SHISA9: variants seen among roughly 807,000 people sequenced by gnomAD.
The protein encoded by SHISA9 is shisa family member 9, also known as protein shisa-9.
SHISA9 carries 13 observed loss-of-function variants against 38.0 expected under a neutral mutation model. The ratio of observed to expected loss-of-function variants is 0.34; its 90% CI spans 0.22 to 0.54. SHISA9 has a LOEUF of 0.54. Among genes scored for constraint, SHISA9 ranks in the 20% least tolerant of loss-of-function variants. The pLI, the probability that SHISA9 is intolerant of heterozygous loss-of-function variation, is 0.91. For synonymous variants in SHISA9, 275 were observed against 242.0 expected (o/e 1.14, Z -1.27); for missense variants, 538 against 575.8 (o/e 0.93, Z 0.67).
At chr16:13,402,258 A>G in the SHISA9 span, among the ~76,000 whole-genome samples, 1 of 152,100 alleles carries the variant, frequency 6.6e-6, no homozygotes, top group Non-Finnish European at 1.5e-5. Flanking sequence ...ATTCAGTCTG[A>G]GTTCGAATGC....
At chr16:13,305,911 T>C in the SHISA9 span, among the ~76,000 whole-genome samples, 19 of 152,316 alleles carry the variant, frequency 1.2e-4, no homozygotes, top group African/African-American at 4.1e-4. Flanking sequence ...TACATATCCT[T>C]TGCTAGACCC....
chr16:13,295,019 T>G, the SHISA9 span, among the ~76,000 whole-genome samples: 1 of 152,136 alleles, frequency 6.6e-6, no homozygotes, highest in South Asian at 2.1e-4. Context: ...TATTGCCATT[T>G]TACAGATTAA....
At chr16:13,246,313 C>G in the SHISA9 span, 2 of 152,176 alleles carry the variant, frequency 1.3e-5, no homozygotes, top group African/African-American at 4.8e-5. Context: ...GGCTCCAATT[C>G]TTCTCCATGC....
At chr16:13,362,955 A>G in the SHISA9 span, among the ~76,000 whole-genome samples, 1 of 152,194 alleles carries the variant, frequency 6.6e-6, no homozygotes, top group Non-Finnish European at 1.5e-5. Flanking sequence ...GCCAACTAAT[A>G]ATATAATTAA....
the SHISA9 span, among the ~76,000 whole-genome samples, chr16:13,491,817 CCTTTTTTTTTTTTTTTTTTT>C: frequency 8.5e-5 from 4 of 46,926 alleles, no homozygotes; most frequent in African/African-American, 3.8e-4. Context: ...TATTTATTGA[CCTTTTTTTTTTTTTTTTTTT>C]TTTTTTTTTT....
chr16:13,358,814 C>T, the SHISA9 span, among the ~76,000 whole-genome samples: 1 of 152,120 alleles, frequency 6.6e-6, no homozygotes, highest in Non-Finnish European at 1.5e-5. Flanking sequence ...TCAGCAGAGC[C>T]ATAAAAAGAT....
the SHISA9 span, among the ~76,000 whole-genome samples, chr16:13,453,597 C>T: frequency 5.9e-5 from 9 of 152,210 alleles, no homozygotes; most frequent in East Asian, 1.7e-3. Context: ...CAGCCAGCCC[C>T]CAGACAACCC....
intron 2 of SHISA9, among the ~76,000 whole-genome samples, chr16:13,091,084 C>A (rs567484021): frequency 2.7e-4 from 41 of 152,286 alleles, no homozygotes; most frequent in South Asian, 8.3e-4. Context: ...ATATAAAATT[C>A]TGGGTTGAAA....
the SHISA9 span, among the ~76,000 whole-genome samples, chr16:13,296,891 C>CAAAAAAAAAAAAAAA: frequency 3.8e-5 from 1 of 26,588 alleles, no homozygotes; most frequent in African/African-American, 1.5e-4. Context: ...AACTCCATCT[C>CAAAAAAAAAAAAAAA]AAAAAAAAAA....
intron 2 of SHISA9, among the ~76,000 whole-genome samples, chr16:12,961,591 G>C (rs543593318): frequency 7.9e-5 from 12 of 152,258 alleles, no homozygotes; most frequent in Admixed American, 3.9e-4. Flanking sequence ...CCAAAACTGA[G>C]GAAGAGAACA....
intron 2 of SHISA9, among the ~76,000 whole-genome samples, chr16:12,990,524 T>C (rs150092889): frequency 5.9e-5 from 9 of 152,360 alleles, no homozygotes; most frequent in African/African-American, 2.2e-4. Context: ...TCATGAATTA[T>C]TTAACCATTT....
chr16:13,360,521 G>A, the SHISA9 span, among the ~76,000 whole-genome samples: 12 of 152,218 alleles, frequency 7.9e-5, no homozygotes, highest in Middle Eastern at 3.4e-3. Context: ...CTTGGCTCTC[G>A]TTCTTCTTCC....
intron 2 of SHISA9, among the ~76,000 whole-genome samples, chr16:13,106,736 GA>G (rs919665564): frequency 1.1e-3 from 167 of 149,540 alleles, no homozygotes; most frequent in African/African-American, 3.9e-3. Context: ...ACTTTGGCTA[GA>G]AAAAAAAAAT....
intron 2 of SHISA9, among the ~76,000 whole-genome samples, chr16:13,011,598 T>G (rs564038739): frequency 1.3e-5 from 2 of 152,158 alleles, no homozygotes; most frequent in Non-Finnish European, 2.9e-5. Flanking sequence ...CTCGGCTCAC[T>G]GCAAGCTCTG....
chr16:12,958,235 TG>T (rs1329736932), intron 2 of SHISA9, among the ~76,000 whole-genome samples: 2 of 152,248 alleles, frequency 1.3e-5, no homozygotes, highest in Admixed American at 6.5e-5. Flanking sequence ...GGTATTCCAT[TG>T]CATGGATGTA....
At chr16:13,328,757 GC>G in the SHISA9 span, among the ~76,000 whole-genome samples, 1 of 152,122 alleles carries the variant, frequency 6.6e-6, no homozygotes, top group Non-Finnish European at 1.5e-5. Context: ...ACAGGTGTGA[GC>G]CACCATACCC....
chr16:12,999,008 T>C (rs753648543), intron 2 of SHISA9, among the ~76,000 whole-genome samples: 1 of 152,220 alleles, frequency 6.6e-6, no homozygotes, highest in African/African-American at 2.4e-5. Flanking sequence ...ACATAGCCTG[T>C]ATTTTGATGT....
the SHISA9 span, among the ~76,000 whole-genome samples, chr16:13,279,399 T>C: frequency 6.6e-6 from 1 of 152,002 alleles, no homozygotes; most frequent in Admixed American, 6.6e-5. Flanking sequence ...TATATATCTG[T>C]TATGTCCATT....
intron 2 of SHISA9, among the ~76,000 whole-genome samples, chr16:13,144,797 G>A (rs1048399715): frequency 6.6e-6 from 1 of 152,164 alleles, no homozygotes. Flanking sequence ...TCTTCTTAAT[G>A]AGGGATATAG....
Sources: allele counts gnomAD v4.1 joint callset (sites outside exome capture counted in the v4.1 genomes callset), GRCh38; gene constraint gnomAD v4.1.1; transcripts MANE v1.5; gene names NCBI Gene and HGNC (gene_info 2026-07-23, HGNC 2026-07-21).